Variants in KPNA5 observed in about 807,000 individuals in gnomAD.
KPNA5 encodes karyopherin subunit alpha 5.
In KPNA5, 46 loss-of-function variants were observed where a neutral mutation model predicts 71.3. That is an observed-to-expected ratio of 0.65 (90% confidence interval 0.51 to 0.83). The LOEUF (loss-of-function observed/expected upper bound fraction) is 0.83, where lower values mean the gene tolerates loss of function less well. Ranked by LOEUF, KPNA5 falls within the 40% of genes least tolerant of loss-of-function variation. KPNA5 has a pLI of 0.00. For missense variants in KPNA5, 547 were observed against 628.3 expected (o/e 0.87, Z 1.38); for synonymous variants, 207 against 201.4 (o/e 1.03, Z -0.24).
At chr6:116,686,499 TTGTC>T (rs1777594196) in intron 1 of KPNA5, among the ~76,000 whole-genome samples, 1 of 152,152 alleles carries the variant, frequency 6.6e-6, no homozygotes, top group South Asian at 2.1e-4. Flanking sequence ...ATTCTGTAGG[TTGTC>T]TTTTACTCTG....
At chr6:116,696,472 T>G (rs901891111) in intron 4 of KPNA5, among the ~76,000 whole-genome samples, 1 of 152,184 alleles carries the variant, frequency 6.6e-6, no homozygotes, top group African/African-American at 2.4e-5. Context: ...TAGGAAGATA[T>G]GAATATGCCC....
intron 10 of KPNA5, among the ~76,000 whole-genome samples, 194 bp downstream of exon 10, chr6:116,724,569 G>A (rs528820759): frequency 6.7e-6 from 1 of 149,876 alleles, no homozygotes; most frequent in African/African-American, 2.4e-5. Flanking sequence ...CCAGATTTGG[G>A]TTACAATCTT....
intron 13 of KPNA5, among the ~76,000 whole-genome samples, 190 bp downstream of exon 13, chr6:116,729,931 T>A (rs1163756004): frequency 1.3e-5 from 2 of 151,744 alleles, no homozygotes; most frequent in Non-Finnish European, 2.9e-5. Context: ...ATTGTCTGTA[T>A]GCACAAATAC....
intron 1 of KPNA5, 43 bp from the exon 2 acceptor site, chr6:116,689,277 G>C (rs1777701497): frequency 6.3e-7 from 1 of 1,581,242 alleles, no homozygotes; most frequent in Non-Finnish European, 8.5e-7. Flanking sequence ...TGTTTTGAGA[G>C]AGTGAGTTAT....
At chr6:116,684,168 C>T (rs1312544486) in intron 1 of KPNA5, among the ~76,000 whole-genome samples, 1 of 152,010 alleles carries the variant, frequency 6.6e-6, no homozygotes, top group Non-Finnish European at 1.5e-5. Context: ...TCTCCTTGGC[C>T]TTCTAAAGTG....
At chr6:116,712,543 G>A (rs1364377326) in intron 7 of KPNA5, among the ~76,000 whole-genome samples, 2 of 152,044 alleles carry the variant, frequency 1.3e-5, no homozygotes, top group Non-Finnish European at 2.9e-5. Flanking sequence ...AATATATTCT[G>A]CCAGTTACTA....
intron 4 of KPNA5, among the ~76,000 whole-genome samples, chr6:116,697,090 T>G (rs1363838353): frequency 6.6e-6 from 1 of 152,010 alleles, no homozygotes; most frequent in Non-Finnish European, 1.5e-5. Context: ...AGACAAAATT[T>G]CTGTACATTA....
At chr6:116,723,620 G>A (rs1455287078) in intron 9 of KPNA5, among the ~76,000 whole-genome samples, 1 of 152,098 alleles carries the variant, frequency 6.6e-6, no homozygotes, top group Non-Finnish European at 1.5e-5. Context: ...TTGCATTAAT[G>A]TATATTTTAT....
At chr6:116,681,499 A>C (rs1777353159) in intron 1 of KPNA5, 161 bp downstream of exon 1, 1 of 1,370,016 alleles carries the variant, frequency 7.3e-7, no homozygotes, top group African/African-American at 1.5e-5. Flanking sequence ...CCAGGGCGAC[A>C]GCGGTCGCGG....
At chr6:116,699,093 C>T (rs1778137518) in intron 5 of KPNA5, among the ~76,000 whole-genome samples, 1 of 152,026 alleles carries the variant, frequency 6.6e-6, no homozygotes, top group Non-Finnish European at 1.5e-5. Context: ...AAACTTCAGA[C>T]TAAAATATTG....
chr6:116,731,730 T>C (rs992729300), intron 13 of KPNA5, among the ~76,000 whole-genome samples: 9 of 152,028 alleles, frequency 5.9e-5, no homozygotes, highest in Non-Finnish European at 1.3e-4. Flanking sequence ...TTCATTTAAT[T>C]TGTTTTGTTG....
At chr6:116,689,265 G>T (rs1286050159) in intron 1 of KPNA5, 55 bp from the exon 2 acceptor site, 113 of 1,558,994 alleles carry the variant, frequency 7.2e-5, no homozygotes, top group Non-Finnish European at 6.2e-5. Context: ...AGTGTCTCAT[G>T]TTGTTTTGAG....
chr6:116,695,177 C>G (rs1052242218), intron 4 of KPNA5, among the ~76,000 whole-genome samples: 1 of 152,032 alleles, frequency 6.6e-6, no homozygotes, highest in South Asian at 2.1e-4. Context: ...TCTCCTCCCA[C>G]GTTTGCCTGC....
At chr6:116,695,135 G>T (rs530245639) in intron 4 of KPNA5, among the ~76,000 whole-genome samples, 188 of 151,990 alleles carry the variant, frequency 1.2e-3, no homozygotes, top group Non-Finnish European at 1.3e-4. Flanking sequence ...TAGAGTCAGG[G>T]TTTTGTCATA....
rs964817981 is a variant in KPNA5, at chr6:116,739,700, A to G, written c.*7377A>G. 3.9e-5 allele frequency: 6 copies of G among 152,120 alleles called. No individual in the cohort carries two copies. Among genetic ancestry groups the G allele is most frequent in the African/African-American group, 1.2e-4 (5 of 41,392 alleles). 9.4% of individuals were successfully genotyped at this position (152,120 alleles called of 1,614,324 possible). A position where few individuals can be genotyped will look rare whatever the true frequency, so the allele number is the denominator to read the frequency against. ...CCATCAGAAATAATGCCGCATATCTACAACTATCTGATCTTTGACAAACCT... is the reference window on the plus strand; with the variant it reads ...CCATCAGAAATAATGCCGCATATCTGCAACTATCTGATCTTTGACAAACCT... On this transcript the variant is annotated 3_prime_UTR_variant, in exon 14 of 14. Transcript: ENST00000368564.
At chr6:116,707,787 A>C (rs1435485743) in intron 7 of KPNA5, among the ~76,000 whole-genome samples, 1 of 152,250 alleles carries the variant, frequency 6.6e-6, no homozygotes, top group African/African-American at 2.4e-5. Flanking sequence ...TAACCAGTTT[A>C]ACCATTTTAA....
intron 4 of KPNA5, among the ~76,000 whole-genome samples, 177 bp from the exon 5 acceptor site, chr6:116,698,527 C>CA (rs1264058322): frequency 1.3e-5 from 2 of 151,884 alleles, no homozygotes; most frequent in Non-Finnish European, 2.9e-5. Context: ...GCAAAATGTA[C>CA]AAAAAACATT....
At position 116,733,280 on chromosome 6, in the gene KPNA5, TACAA is replaced by T. The variant is rs1165638347; in HGVS notation, c.*958_*961del. ...ATAATAGTACTAGTTTAAGTTTAAG[TACAA>T]GTACAAGTTTAGGTACTCGAATGAC... On this transcript the variant is annotated 3_prime_UTR_variant, in exon 14 of 14. Transcript: ENST00000368564. 1 of 104,102 alleles carries T rather than the reference TACAA, an allele frequency of 9.6e-6. No individual in the cohort carries two copies. Among genetic ancestry groups the T allele is most frequent in the East Asian group, 3.9e-4 (1 of 2,544 alleles). The allele number at this position is 104,102 out of a possible 1,614,324, so 6.4% of individuals were successfully genotyped here.
intron 12 of KPNA5, among the ~76,000 whole-genome samples, 199 bp downstream of exon 12, chr6:116,726,821 T>A (rs1214078996): frequency 6.6e-6 from 1 of 152,048 alleles, no homozygotes; most frequent in Non-Finnish European, 1.5e-5. Context: ...TCATTCTCCT[T>A]GATAGGCTGC....
Sources: allele counts gnomAD v4.1 joint callset (sites outside exome capture counted in the v4.1 genomes callset), GRCh38; gene constraint gnomAD v4.1.1; transcripts MANE v1.5; gene names NCBI Gene and HGNC (gene_info 2026-07-23, HGNC 2026-07-21).